Variants in ABHD3 observed in about 807,000 individuals in gnomAD.
ABHD3 encodes the protein abhydrolase domain containing 3, phospholipase.
Under a neutral mutation model 48.8 loss-of-function variants are expected in ABHD3, and 46 were observed. The observed-to-expected ratio is 0.94, with a 90% CI of 0.74 to 1.20. The LOEUF is 1.20. ABHD3 is among the 50% of genes most tolerant of loss of function. ABHD3 has a pLI of 0.00. For missense variants in ABHD3, 490 were observed against 497.8 expected, an observed-to-expected ratio of 0.98 and a Z score of 0.15; for synonymous variants, 192 against 183.7, an observed-to-expected ratio of 1.04 and a Z score of -0.36.
intron 4 of ABHD3, among the ~76,000 whole-genome samples, chr18:21,666,750 A>C (rs938352684): frequency 2.0e-4 from 31 of 152,204 alleles, no homozygotes; most frequent in African/African-American, 7.2e-4. Flanking sequence ...AACACATTTA[A>C]ACACATGGTT....
At chr18:21,671,788 GTAAT>G (rs1197442292) in intron 4 of ABHD3, among the ~76,000 whole-genome samples, 2 of 152,134 alleles carry the variant, frequency 1.3e-5, no homozygotes, top group African/African-American at 2.4e-5. Flanking sequence ...AGCAATGACA[GTAAT>G]TTATTTATTA....
chr18:21,666,443 T>C (rs1237976673), intron 4 of ABHD3, among the ~76,000 whole-genome samples: 1 of 152,002 alleles, frequency 6.6e-6, no homozygotes, highest in Non-Finnish European at 1.5e-5. Context: ...CTGCCCGCCT[T>C]GGCCTCCCAA....
chr18:21,675,526 C>T (rs1212221291), intron 4 of ABHD3, among the ~76,000 whole-genome samples: 3 of 152,004 alleles, frequency 2.0e-5, no homozygotes, highest in Non-Finnish European at 2.9e-5. Flanking sequence ...CTTGGCCTCC[C>T]AAAGTGCTGG....
chr18:21,680,058 G>A (rs571474696), intron 4 of ABHD3, among the ~76,000 whole-genome samples: 4 of 151,974 alleles, frequency 2.6e-5, no homozygotes, highest in Non-Finnish European at 5.9e-5. Flanking sequence ...CTGTCGTCCA[G>A]GCTGGAGTGC....
rs34831491 is a variant in ABHD3 at position 21,664,201 on chromosome 18, A to G, written c.585T>C (p.Thr195=). ...GGTGAATAACTGTCTCCAAGTCTTCAGTGTTAGCACAACAATAAGTCCTTG... is the reference window on the plus strand; with the variant it reads ...GGTGAATAACTGTCTCCAAGTCTTCGGTGTTAGCACAACAATAAGTCCTTG... ...LTPRTYCCAN[T]EDLETVIHHV... is the part of the protein sequence containing the mutation. The change falls in exon 5 of 9, where the codon ACT becomes ACC. Residue 195 remains threonine, a synonymous_variant. Coordinates refer to ENST00000289119, the MANE Select transcript of ABHD3 (RefSeq NM_138340.5). 1.8e-3 allele frequency: 2,918 copies of G among 1,614,100 alleles called. 45 individuals carry two copies. In the African/African-American group the frequency reaches 0.033, roughly 18 times the overall value.
At chr18:21,677,071 T>C (rs951162614) in intron 4 of ABHD3, among the ~76,000 whole-genome samples, 2 of 152,186 alleles carry the variant, frequency 1.3e-5, no homozygotes, top group African/African-American at 2.4e-5. Context: ...TAATCTACTT[T>C]CTGTGTCTAT....
intron 5 of ABHD3, chr18:21,663,782 C>T (rs901012005): frequency 7.4e-5 from 114 of 1,534,656 alleles, no homozygotes; most frequent in Non-Finnish European, 9.5e-5. Flanking sequence ...AGCTTCAGAA[C>T]GCAGCTCCAG....
Position 21,683,915 on chromosome 18 carries a change from C to G in ABHD3, c.555+5G>C. ...TTAAGACTGTTGTCATTTAAATTTA[C>G]TTACCAAGAGATTCTCCCCCGCCAC... On this transcript the variant is annotated splice_donor_5th_base_variant and intron_variant, in intron 4 of 8. Coordinates refer to ENST00000289119, the MANE Select transcript of ABHD3 (RefSeq NM_138340.5). The G allele has an allele frequency of 6.3e-7, 1 of 1,588,332 alleles. No homozygotes were observed. The highest frequency in any genetic ancestry group is 8.6e-7 in the Non-Finnish European group (1 of 1,166,490).
chr18:21,675,726 T>A (rs1193058671), intron 4 of ABHD3, among the ~76,000 whole-genome samples: 1 of 152,160 alleles, frequency 6.6e-6, no homozygotes, highest in Non-Finnish European at 1.5e-5. Flanking sequence ...AAAAGTCAGC[T>A]TATCTAAAAA....
chr18:21,700,719 G>C (rs936224500), intron 3 of ABHD3, among the ~76,000 whole-genome samples: 6 of 151,400 alleles, frequency 4.0e-5, no homozygotes, highest in African/African-American at 1.5e-4. Flanking sequence ...TTTAAAAGCA[G>C]TTCTAAGTCT....
chr18:21,702,253 T>C (rs2040529025), intron 3 of ABHD3, 63 bp downstream of exon 3: 2 of 1,342,340 alleles, frequency 1.5e-6, no homozygotes, highest in Admixed American at 5.1e-5. Context: ...AACAAACATG[T>C]AGATATATTT....
At chr18:21,662,265 CG>C (rs773626351) in intron 5 of ABHD3, 4 of 152,122 alleles carry the variant, frequency 2.6e-5, no homozygotes, top group Non-Finnish European at 5.9e-5. Flanking sequence ...CCATCATGCC[CG>C]GCTAATTTCT....
At chr18:21,683,534 C>A in intron 4 of ABHD3, 1 of 510,694 alleles carries the variant, frequency 2.0e-6, no homozygotes, top group Non-Finnish European at 4.0e-6. Context: ...GAGGCCTTCT[C>A]TTCCCAGTTC....
chr18:21,684,240 C>T (rs182367578), intron 3 of ABHD3, among the ~76,000 whole-genome samples: 19 of 151,732 alleles, frequency 1.3e-4, no homozygotes, highest in East Asian at 3.9e-4. Flanking sequence ...CTTCTTCCTA[C>T]GCACATACGT....
At chr18:21,668,446 CATATAG>C (rs2039687640) in intron 4 of ABHD3, among the ~76,000 whole-genome samples, 1 of 151,896 alleles carries the variant, frequency 6.6e-6, no homozygotes, top group Non-Finnish European at 1.5e-5. Flanking sequence ...AGAATGCATA[CATATAG>C]ACACATACAG....
intron 4 of ABHD3, among the ~76,000 whole-genome samples, chr18:21,669,861 T>C (rs912312133): frequency 3.3e-5 from 5 of 151,996 alleles, no homozygotes; most frequent in Admixed American, 6.6e-5. Flanking sequence ...GGCTGGTAAG[T>C]TGGATTCTCT....
At position 21,659,311 on chromosome 18, in the gene ABHD3, C is replaced by T. The variant is rs1335292909; in HGVS notation, c.701G>A (p.Gly234Glu). 1.9e-6 allele frequency: 3 copies of T among 1,609,456 alleles called. No homozygotes were observed. Among genetic ancestry groups the T allele is most frequent in the East Asian group, 2.2e-5 (1 of 44,730 alleles). ...MLLLNYLGKI[G>E]SKTPLMAAAT... Reference sequence around the variant, plus strand: ...AGCTGCCATCAAAGGCGTTTTGGACCCAATTTTGCCCAAGTAATTTAGAAG... The same window carrying T: ...AGCTGCCATCAAAGGCGTTTTGGACTCAATTTTGCCCAAGTAATTTAGAAG... The change falls in exon 6 of 9, where the codon GGG (glycine) becomes GAG (glutamate). Residue 234 changes from glycine (G) to glutamate (E), a missense_variant. Physicochemically the swap from Gly to Glu is moderately conservative, Grantham distance 98. Transcript: ENST00000289119.
chr18:21,667,077 A>ATT (rs60152923), intron 4 of ABHD3, among the ~76,000 whole-genome samples: 5 of 124,992 alleles, frequency 4.0e-5, no homozygotes, highest in African/African-American at 3.6e-5. Context: ...AGAAAATTAC[A>ATT]TTTTTTTTTT....
rs542336928 is a variant in ABHD3, at chr18:21,687,433, G to A, written c.510-3468C>T. On this transcript the variant is annotated intron_variant, in intron 3 of 8. Transcript: ENST00000289119. ...TCACCGTGTTAGCCAGGACGGTCTCGATTTCCTGACCTCGTGATCCACCTG... is the reference window on the plus strand; with the variant it reads ...TCACCGTGTTAGCCAGGACGGTCTCAATTTCCTGACCTCGTGATCCACCTG... Among the ~76,000 whole-genome samples, 5 of 151,988 alleles carry A rather than the reference G, an allele frequency of 3.3e-5. No homozygotes were observed. The South Asian group carries it at 1.0e-3, about 32-fold the overall frequency.
Sources: allele counts gnomAD v4.1 joint callset (sites outside exome capture counted in the v4.1 genomes callset), GRCh38; gene constraint gnomAD v4.1.1; transcripts MANE v1.5; gene names NCBI Gene and HGNC (gene_info 2026-07-23, HGNC 2026-07-21).